TRIM37: variants seen among roughly 807,000 people sequenced by gnomAD.
TRIM37 encodes the protein E3 ubiquitin-protein ligase TRIM37.
A neutral mutation model predicts 129.8 loss-of-function variants in TRIM37; 80 were observed. The ratio of observed to expected loss-of-function variants is 0.62; its 90% confidence interval spans 0.51 to 0.74. The LOEUF (loss-of-function observed/expected upper bound fraction) is 0.74. TRIM37 is among the 30% of genes least tolerant of loss of function. TRIM37 has a pLI of 0.00. For missense variants in TRIM37, 1,054 were observed against 1,176.5 expected, an observed-to-expected ratio of 0.90 and a Z score of 1.52; for synonymous variants, 389 against 387.1, an observed-to-expected ratio of 1.00 and a Z score of -0.06.
chr17:58,977,093 G>A, the TRIM37 span, among the ~76,000 whole-genome samples: 2 of 152,186 alleles, frequency 1.3e-5, no homozygotes, highest in African/African-American at 4.8e-5. Context: ...TAGCATATAA[G>A]TGAAGTTGAT....
chr17:58,981,144 G>A, downstream of TRIM37: 1 of 720,358 alleles, frequency 1.4e-6, no homozygotes, highest in Non-Finnish European at 2.2e-6. Flanking sequence ...TCCATGGATG[G>A]CTCAATTCTT....
intron 20 of TRIM37, among the ~76,000 whole-genome samples, chr17:59,016,762 A>C (rs2035996816): frequency 6.6e-6 from 1 of 151,960 alleles, no homozygotes; most frequent in South Asian, 2.1e-4. Flanking sequence ...CTAGCCTGGA[A>C]AACAGAGCAA....
At chr17:59,023,080 T>C (rs969345905) in intron 19 of TRIM37, among the ~76,000 whole-genome samples, 4 of 152,100 alleles carry the variant, frequency 2.6e-5, no homozygotes, top group Non-Finnish European at 5.9e-5. Flanking sequence ...TTTTTATTTA[T>C]TTATTTATTT....
intron 7 of TRIM37, among the ~76,000 whole-genome samples, chr17:59,076,218 C>T (rs2146929207): frequency 6.6e-6 from 1 of 152,172 alleles, no homozygotes; most frequent in East Asian, 1.9e-4. Flanking sequence ...GGTGAACAGT[C>T]TCAAAAAGTT....
At chr17:59,048,849 G>A (rs2040068145) in intron 15 of TRIM37, among the ~76,000 whole-genome samples, 3 of 152,140 alleles carry the variant, frequency 2.0e-5, no homozygotes, top group Admixed American at 1.3e-4. Context: ...CACCCACCTT[G>A]GCCTCCCAAA....
intron 8 of TRIM37, among the ~76,000 whole-genome samples, chr17:59,072,715 T>C (rs1319256764): frequency 6.7e-6 from 1 of 149,700 alleles, no homozygotes; most frequent in Non-Finnish European, 1.5e-5. Context: ...GCCACTGCAC[T>C]CCAGCGTGGG....
At chr17:58,985,211 G>T (rs948275935) in intron 24 of TRIM37, 2 of 152,596 alleles carry the variant, frequency 1.3e-5, no homozygotes, top group Admixed American at 6.5e-5. Flanking sequence ...TAAAGGAAAG[G>T]TAAGTTATTT....
intron 19 of TRIM37, among the ~76,000 whole-genome samples, chr17:59,024,214 CAAAAAA>C (rs1237722939): frequency 5.3e-5 from 4 of 74,970 alleles, no homozygotes; most frequent in Admixed American, 1.7e-4. Flanking sequence ...AATTCCGTAT[CAAAAAA>C]AAAAAAAAAA....
downstream of TRIM37, chr17:58,980,950 G>T (rs2031322609): frequency 6.2e-7 from 1 of 1,614,078 alleles, no homozygotes; most frequent in African/African-American, 1.3e-5. The surrounding 1 kb of genome is among the most constrained non-coding windows in gnomAD (Gnocchi z 4.7). Flanking sequence ...GTTGGAAAGG[G>T]TACAGTGAAA....
At chr17:59,003,656 A>AAAAC (rs2034080478) in intron 22 of TRIM37, among the ~76,000 whole-genome samples, 1 of 151,734 alleles carries the variant, frequency 6.6e-6, no homozygotes. Context: ...AAAAAAAAAA[A>AAAAC]AAAAAACCTA....
chr17:59,054,341 G>T (rs542422048), intron 13 of TRIM37, among the ~76,000 whole-genome samples: 1 of 151,742 alleles, frequency 6.6e-6, no homozygotes, highest in African/African-American at 2.4e-5. Flanking sequence ...CACTCTTGTC[G>T]CCCAGGCTGG....
intron 20 of TRIM37, 73 bp downstream of exon 20, chr17:59,017,223 T>G (rs1292268278): frequency 1.9e-6 from 3 of 1,573,722 alleles, no homozygotes; most frequent in East Asian, 2.2e-5. Context: ...GATCTAAAGC[T>G]CCACGATAAC....
At chr17:59,056,819 T>C in intron 13 of TRIM37, 56 bp downstream of exon 13, 2 of 1,432,258 alleles carry the variant, frequency 1.4e-6, no homozygotes, top group Non-Finnish European at 1.9e-6. Flanking sequence ...GAAATATAGT[T>C]CTGATGATAT....
intron 2 of TRIM37, 126 bp from the exon 3 acceptor site, chr17:59,091,466 A>T: frequency 5.7e-6 from 1 of 173,960 alleles, no homozygotes; most frequent in Non-Finnish European, 1.2e-5. Context: ...TAAATATATA[A>T]TATTCATAAT....
chr17:58,980,898 A>C (rs1051495916), downstream of TRIM37: 4 of 1,614,232 alleles, frequency 2.5e-6, no homozygotes, highest in Non-Finnish European at 2.5e-6. The surrounding 1 kb of genome is among the most constrained non-coding windows in gnomAD (Gnocchi z 4.7). Context: ...GGAAGTGGGA[A>C]GAGAAATAGG....
At position 59,061,087 on chromosome 17, in the gene TRIM37, C is replaced by T; in HGVS notation, c.964G>A (p.Gly322Ser). The T allele has an allele frequency of 1.2e-6, 2 of 1,613,546 alleles. No homozygotes were observed. Among genetic ancestry groups the T allele is most frequent in the Non-Finnish European group, 8.5e-7 (1 of 1,179,680 alleles). ...VYPDGNGVVR[G>S]YYLSVFLELS... ...TCCAGAAACACAGATAAGTAGTAAC[C>T]TCGCACAACTCCATTTCCATCCTAA... is the stretch of plus-strand genomic sequence containing the variant. Residue 322 changes from glycine to serine, a missense_variant, in exon 12 of 24, where the codon GGT becomes AGT. This residue lies in a region of TRIM37 where 752 missense variants were observed against 870.8 expected (regional missense o/e 0.86). Coordinates refer to ENST00000262294, the MANE Select transcript of TRIM37 (RefSeq NM_015294.6).
intron 22 of TRIM37, among the ~76,000 whole-genome samples, chr17:59,009,379 C>T (rs1236039296): frequency 4.6e-5 from 7 of 151,046 alleles, no homozygotes; most frequent in African/African-American, 1.2e-4. Context: ...CTGCCCACCT[C>T]GGCCTTCCCA....
intron 19 of TRIM37, among the ~76,000 whole-genome samples, chr17:59,021,335 CA>C (rs1320935690): frequency 6.6e-6 from 1 of 151,978 alleles, no homozygotes; most frequent in Non-Finnish European, 1.5e-5. Context: ...GCAGAGGTTG[CA>C]GTGAGCCGAG....
intron 17 of TRIM37, among the ~76,000 whole-genome samples, chr17:59,037,928 T>C (rs2038736117): frequency 6.6e-6 from 1 of 152,170 alleles, no homozygotes; most frequent in South Asian, 2.1e-4. Context: ...AAATATTTTG[T>C]AGAATGTTCC....
Sources: gnomAD v4.1 joint callset for allele counts (sites outside exome capture counted in the v4.1 genomes callset) on GRCh38, gnomAD v4.1.1 for gene constraint, gnomAD v4.1.1 regional missense constraint, Gnocchi (gnomAD v3.1) non-coding constraint, MANE v1.5 for transcripts, NCBI Gene and HGNC (gene_info 2026-07-23, HGNC 2026-07-21) for gene names.